Variants in RNF175 observed in about 807,000 individuals in gnomAD.
The protein encoded by RNF175 is ring finger protein 175.
In RNF175, 38 loss-of-function variants were observed where a neutral mutation model predicts 50.0. That is an observed-to-expected ratio of 0.76 (90% CI 0.59 to 1.00). The LOEUF is 1.00. Ranked by LOEUF, RNF175 falls within the 50% of genes least tolerant of loss-of-function variation. The pLI is 0.00. For missense variants in RNF175, 388 were observed against 409.6 expected (o/e 0.95, Z 0.46); for synonymous variants, 155 against 146.1 (o/e 1.06, Z -0.44).
chr4:153,721,174 G>A (rs1738316146), intron 5 of RNF175, among the ~76,000 whole-genome samples: 1 of 151,300 alleles, frequency 6.6e-6, no homozygotes. Context: ...TTTTTCTTAA[G>A]GGAAAGATCT....
At chr4:153,737,465 AAGCAC>A (rs1739412346) in intron 3 of RNF175, among the ~76,000 whole-genome samples, 1 of 152,160 alleles carries the variant, frequency 6.6e-6, no homozygotes, top group Non-Finnish European at 1.5e-5. Flanking sequence ...ATTTTCCTCT[AAGCAC>A]TGCTTTTGCT....
intron 4 of RNF175, among the ~76,000 whole-genome samples, chr4:153,726,103 TTTTTGTTTTG>T (rs1485657728): frequency 6.6e-6 from 1 of 151,072 alleles, no homozygotes; most frequent in Admixed American, 6.6e-5. Context: ...GTGTGTTTTG[TTTTTGTTTTG>T]TTTTGTTTTT....
At chr4:153,711,686 G>A (rs17030340) in intron 8 of RNF175, among the ~76,000 whole-genome samples, 24,974 of 152,228 alleles carry the variant, frequency 0.16, 2,243 homozygotes, top group Middle Eastern at 0.26. Context: ...GCTTAAGGGA[G>A]GATATGTTTT....
At chr4:153,726,824 A>C (rs1738726288) in intron 4 of RNF175, among the ~76,000 whole-genome samples, 1 of 152,172 alleles carries the variant, frequency 6.6e-6, no homozygotes, top group Non-Finnish European at 1.5e-5. Context: ...TTGCTTTATA[A>C]AGTCAGTGGA....
chr4:153,757,684 C>A (rs1312099281), intron 1 of RNF175, among the ~76,000 whole-genome samples: 1 of 151,944 alleles, frequency 6.6e-6, no homozygotes, highest in Non-Finnish European at 1.5e-5. Flanking sequence ...CCTCTCAGCT[C>A]TCAGGAGAAA....
At chr4:153,733,256 T>C (rs1293031731) in intron 3 of RNF175, among the ~76,000 whole-genome samples, 1 of 152,174 alleles carries the variant, frequency 6.6e-6, no homozygotes, top group African/African-American at 2.4e-5. Context: ...AATGTGAAAA[T>C]AATAATCCTT....
At chr4:153,727,712 A>G (rs1301207967) in intron 4 of RNF175, 1 of 152,286 alleles carries the variant, frequency 6.6e-6, no homozygotes, top group East Asian at 1.9e-4. Context: ...GAGTTATACA[A>G]ATCTTTGGAA....
intron 4 of RNF175, among the ~76,000 whole-genome samples, chr4:153,727,098 C>T (rs757745793): frequency 1.3e-5 from 2 of 152,122 alleles, no homozygotes; most frequent in Non-Finnish European, 2.9e-5. Context: ...AGATTATATC[C>T]AGGGGATGAA....
intron 3 of RNF175, among the ~76,000 whole-genome samples, chr4:153,734,126 C>T (rs1232625466): frequency 1.3e-5 from 2 of 152,124 alleles, no homozygotes; most frequent in Non-Finnish European, 1.5e-5. Flanking sequence ...TTGGTTGCTA[C>T]CAGTTTTGGG....
At chr4:153,729,521 T>C (rs572868573) in intron 3 of RNF175, among the ~76,000 whole-genome samples, 2 of 152,354 alleles carry the variant, frequency 1.3e-5, no homozygotes, top group Admixed American at 1.3e-4. Context: ...AGTCTATGGA[T>C]ATATTGTTGG....
In RNF175 at chr4:153,751,422, A is replaced by T; in HGVS notation, c.104+16T>A. ...ATTTTTAGCAAAACAACTCTTAAAA[A>T]ATACTAATTACTTACTTCCATGTGT... On this transcript the variant is annotated intron_variant, in intron 2 of 8. Transcript: ENST00000347063. 1.3e-6 allele frequency: 2 copies of T among 1,516,720 alleles called. No individual in the cohort carries two copies. Among genetic ancestry groups the T allele is most frequent in the Non-Finnish European group, 1.8e-6 (2 of 1,121,244 alleles). 94.0% of individuals were successfully genotyped at this position (1,516,720 alleles called of 1,614,324 possible).
chr4:153,753,335 GGCT>G (rs35822670), intron 1 of RNF175, among the ~76,000 whole-genome samples: 4,704 of 152,192 alleles, frequency 0.031, 175 homozygotes, highest in Middle Eastern at 0.1. Context: ...GAATACTAGT[GGCT>G]AAACCGGAGG....
At chr4:153,753,887 G>A (rs1740422889) in intron 1 of RNF175, among the ~76,000 whole-genome samples, 1 of 150,152 alleles carries the variant, frequency 6.7e-6, no homozygotes, top group Non-Finnish European at 1.5e-5. Flanking sequence ...AAAATATTTT[G>A]AGGCTGGGCG....
At position 153,720,219 on chromosome 4, in the gene RNF175, C is replaced by T. The variant is rs201891647; in HGVS notation, c.595G>A (p.Glu199Lys). Residue 199 changes from glutamate to lysine, a missense_variant, in exon 6 of 9, where the codon GAG becomes AAG. By Grantham distance (56) the Glu-to-Lys change is moderately conservative. Transcript: ENST00000347063. Reference protein sequence around the residue: ...YYGVMGRDFAEICSDYMASTI... With the variant: ...YYGVMGRDFAKICSDYMASTI... ...GAAGCCATGTAGTCTGAGCAGATCTCGGCAAAGTCTCTCCCCATTACTCCA... is the reference window on the plus strand; with the variant it reads ...GAAGCCATGTAGTCTGAGCAGATCTTGGCAAAGTCTCTCCCCATTACTCCA... 1.6e-4 allele frequency: 251 copies of T among 1,613,608 alleles called. No individual in the cohort carries two copies. The highest frequency in any genetic ancestry group is 3.7e-4 in the Admixed American group (22 of 60,004).
chr4:153,747,615 TAA>T (rs1300359456), intron 3 of RNF175, among the ~76,000 whole-genome samples: 2 of 152,244 alleles, frequency 1.3e-5, no homozygotes, highest in African/African-American at 4.8e-5. Flanking sequence ...AAGTGATCGC[TAA>T]AAAGTTTCAG....
chr4:153,710,944 C>T (rs910287784), intron 8 of RNF175, among the ~76,000 whole-genome samples: 2 of 152,190 alleles, frequency 1.3e-5, no homozygotes, highest in Admixed American at 1.3e-4. Flanking sequence ...CTTTGATAAA[C>T]TGTGCTAGGG....
intron 3 of RNF175, among the ~76,000 whole-genome samples, chr4:153,733,675 T>A (rs943280782): frequency 6.6e-6 from 1 of 152,164 alleles, no homozygotes; most frequent in Non-Finnish European, 1.5e-5. Flanking sequence ...TGCAGTTAGA[T>A]CCCCTTGCAC....
At chr4:153,715,758 C>T in intron 6 of RNF175, 96 bp from the exon 7 acceptor site, 1 of 1,322,392 alleles carries the variant, frequency 7.6e-7, no homozygotes, top group Non-Finnish European at 1.0e-6. Flanking sequence ...ACAGGCAGCC[C>T]TTGGCACATA....
In RNF175 at chr4:153,710,707, T is replaced by G. The variant is rs992629924; in HGVS notation, c.867-218A>C. On this transcript the variant is annotated intron_variant, in intron 8 of 8. Coordinates refer to ENST00000347063, the MANE Select transcript of RNF175 (RefSeq NM_173662.4). ...ATTCCTGAAAATAAATTGAAGTTCT[T>G]TACAATAAAATCCCAAACTAGAAAA... 3.3e-5 allele frequency among the ~76,000 whole-genome samples: 5 copies of G among 152,198 alleles called. 1 individual carries two copies. Among genetic ancestry groups the G allele is most frequent in the Non-Finnish European group, 4.4e-5 (3 of 68,040 alleles).
Sources: gnomAD v4.1 joint callset for allele counts (sites outside exome capture counted in the v4.1 genomes callset) on GRCh38, gnomAD v4.1.1 for gene constraint, MANE v1.5 for transcripts, NCBI Gene and HGNC (gene_info 2026-07-23, HGNC 2026-07-21) for gene names.